The following DMD variants were observed in gnomAD, a reference collection of about 807,000 sequenced individuals.
The protein encoded by DMD is mutant dystrophin.
Under a neutral mutation model 330.1 loss-of-function variants are expected in DMD, and 63 were observed. That is an observed-to-expected ratio of 0.19 (90% CI 0.16 to 0.24). The LOEUF is 0.24. Among genes scored for constraint, DMD ranks in the 10% least tolerant of loss-of-function variants. DMD has a pLI of 1.00. For missense variants in DMD, 3,344 were observed against 2,684.1 expected, an observed-to-expected ratio of 1.25 and a Z score of -5.43; for synonymous variants, 1,223 against 959.8, an observed-to-expected ratio of 1.27 and a Z score of -5.07.
chrX:31,412,383 G>A (rs915565665), intron 60 of DMD, among the ~76,000 whole-genome samples: 1 of 111,622 alleles, frequency 9.0e-6, no homozygotes, highest in African/African-American at 3.3e-5. Flanking sequence ...ATGCCTGAAG[G>A]AAAGAATATA....
chrX:32,781,612 T>C (rs1220897800), intron 7 of DMD, among the ~76,000 whole-genome samples: 1 of 109,956 alleles, frequency 9.1e-6, no homozygotes, highest in Non-Finnish European at 1.9e-5. Flanking sequence ...CCCTCTTCCC[T>C]TGCTGCTGCT....
At chrX:31,142,833 T>C (rs758936990) in intron 76 of DMD, among the ~76,000 whole-genome samples, 1 of 112,074 alleles carries the variant, frequency 8.9e-6, no homozygotes, top group Non-Finnish European at 1.9e-5. Flanking sequence ...CATTAGCACA[T>C]TGTCTCAGTA....
intron 44 of DMD, among the ~76,000 whole-genome samples, chrX:32,107,974 C>T (rs2146587724): frequency 9.0e-6 from 1 of 111,016 alleles, no homozygotes; most frequent in South Asian, 3.8e-4. Flanking sequence ...TTACAAGTAA[C>T]AACTATTCCA....
chrX:31,150,200 A>G (rs761799021), intron 74 of DMD, among the ~76,000 whole-genome samples: 1 of 111,865 alleles, frequency 8.9e-6, no homozygotes, highest in Non-Finnish European at 1.9e-5. Context: ...TTCACTTTAT[A>G]TATTTCTAGA....
chrX:32,608,383 CTTCCAATCA>C (rs985200759), intron 12 of DMD, among the ~76,000 whole-genome samples: 4 of 110,358 alleles, frequency 3.6e-5, no homozygotes, highest in African/African-American at 1.3e-4. Context: ...TTTACATAAA[CTTCCAATCA>C]TTTATGTCAA....
intron 44 of DMD, among the ~76,000 whole-genome samples, chrX:32,068,613 C>G (rs970351864): frequency 9.1e-6 from 1 of 110,071 alleles, no homozygotes; most frequent in Non-Finnish European, 1.9e-5. Flanking sequence ...TTCTATTGGT[C>G]TATGTGTACA....
intron 2 of DMD, among the ~76,000 whole-genome samples, chrX:32,915,434 G>A (rs1280752221): frequency 2.7e-5 from 3 of 112,016 alleles, no homozygotes; most frequent in Non-Finnish European, 5.6e-5. Flanking sequence ...TCTTTTCTGG[G>A]AGAGGAAGGG....
chrX:31,337,898 T>C (rs1386454163), intron 61 of DMD, among the ~76,000 whole-genome samples: 1 of 111,896 alleles, frequency 8.9e-6, no homozygotes, highest in Non-Finnish European at 1.9e-5. Context: ...TGGTTAGTGA[T>C]CCAGCTAAAT....
At chrX:33,305,228 T>C (rs1332725782) in intron 1 of DMD, among the ~76,000 whole-genome samples, 7 of 106,169 alleles carry the variant, frequency 6.6e-5, no homozygotes, top group African/African-American at 2.1e-4. Context: ...CATGGAATAC[T>C]ATGCAGCCAT....
chrX:32,609,562 T>A (rs746719991), intron 12 of DMD, among the ~76,000 whole-genome samples: 1 of 111,240 alleles, frequency 9.0e-6, no homozygotes, highest in African/African-American at 3.2e-5. Flanking sequence ...TGGAATGAAA[T>A]GAAATGTCAG....
At chrX:32,225,267 A>G (rs1569551870) in intron 43 of DMD, among the ~76,000 whole-genome samples, 1 of 112,006 alleles carries the variant, frequency 8.9e-6, no homozygotes, top group Admixed American at 9.5e-5. Flanking sequence ...GTTCAAAAAA[A>G]AGGTATACAT....
At chrX:31,346,398 T>C (rs1412909340) in intron 61 of DMD, among the ~76,000 whole-genome samples, 3 of 111,476 alleles carry the variant, frequency 2.7e-5, no homozygotes, top group Non-Finnish European at 3.8e-5. Context: ...TAAACCCTCA[T>C]ATATACTCAT....
At chrX:32,954,624 A>G (rs1349366703) in intron 2 of DMD, among the ~76,000 whole-genome samples, 1 of 111,244 alleles carries the variant, frequency 9.0e-6, no homozygotes, top group Non-Finnish European at 1.9e-5. Flanking sequence ...TGTTGTACAG[A>G]TTATTTTGTC....
At chrX:32,744,870 T>C (rs2069776708) in intron 7 of DMD, among the ~76,000 whole-genome samples, 1 of 112,161 alleles carries the variant, frequency 8.9e-6, no homozygotes, top group African/African-American at 3.2e-5. Context: ...ACCATCAGGA[T>C]CATTGGCTCA....
At chrX:31,143,388 T>TTCCCCC (rs2036314201) in intron 76 of DMD, among the ~76,000 whole-genome samples, 1 of 111,468 alleles carries the variant, frequency 9.0e-6, no homozygotes, top group Non-Finnish European at 1.9e-5. Context: ...CCCCTTCACC[T>TTCCCCC]TCCCCCATGA....
chrX:31,323,533 C>T (rs1317026808), intron 62 of DMD, 65 bp downstream of exon 62: 3 of 950,776 alleles, frequency 3.2e-6, no homozygotes, highest in Non-Finnish European at 4.5e-6. Flanking sequence ...AAAATAAACT[C>T]ACTTGTGAAT....
chrX:32,380,807 A>G (rs879127375), intron 33 of DMD, 127 bp from the exon 34 acceptor site: 13 of 550,238 alleles, frequency 2.4e-5, no homozygotes, highest in South Asian at 2.4e-4. Context: ...TTTTAAAATA[A>G]TATTTTATAA....
intron 47 of DMD, among the ~76,000 whole-genome samples, chrX:31,904,720 G>A (rs1010894165): frequency 9.0e-6 from 1 of 111,312 alleles, no homozygotes; most frequent in African/African-American, 3.3e-5. Context: ...TCCAAGGCAA[G>A]CTTTCAAATG....
intron 5 of DMD, among the ~76,000 whole-genome samples, chrX:32,820,169 G>A (rs1228696470): frequency 8.9e-6 from 1 of 112,594 alleles, no homozygotes; most frequent in Non-Finnish European, 1.9e-5. Context: ...GCTGGGTGCG[G>A]TGGCTCACGC....
Sources: gnomAD v4.1 joint callset for allele counts (sites outside exome capture counted in the v4.1 genomes callset) on GRCh38, gnomAD v4.1.1 for gene constraint, MANE v1.5 for transcripts, NCBI Gene and HGNC (gene_info 2026-07-23, HGNC 2026-07-21) for gene names.